ADCY2: variants seen among roughly 807,000 people sequenced by gnomAD.
ADCY2 encodes adenylate cyclase 2.
In ADCY2, 31 loss-of-function variants were observed where a neutral mutation model predicts 125.2. The ratio of observed to expected loss-of-function variants is 0.25; its 90% CI spans 0.19 to 0.33. The LOEUF is 0.33. Ranked by LOEUF, ADCY2 falls within the 10% of genes least tolerant of loss-of-function variation. The pLI, the probability that ADCY2 is intolerant of heterozygous loss-of-function variation, is 1.00. For synonymous variants in ADCY2, 512 were observed against 548.4 expected, an observed-to-expected ratio of 0.93 and a Z score of 0.93; for missense variants, 904 against 1,418.2, an observed-to-expected ratio of 0.64 and a Z score of 5.82.
In ADCY2 at chr5:7,820,780, A is replaced by G. The variant is rs1745272538; in HGVS notation, c.3123+91A>G. On this transcript the variant is annotated intron_variant, in intron 24 of 24. Coordinates refer to ENST00000338316, the MANE Select transcript of ADCY2 (RefSeq NM_020546.3). ...AGTATAATAAGGATACTAATATATT[A>G]AAACAAAGGAAAAAAGTAAACCTTG... is the stretch of plus-strand genomic sequence containing the variant. The G allele has an allele frequency of 5.1e-6, 7 of 1,378,170 alleles. No individual in the cohort carries two copies. The South Asian group carries it at 1.3e-4, about 26-fold the overall frequency. The allele number at this position is 1,378,170 out of a possible 1,614,324, so 85.4% of individuals were successfully genotyped here. A position where few individuals can be genotyped will look rare whatever the true frequency, so the allele number is the denominator to read the frequency against.
intron 2 of ADCY2, among the ~76,000 whole-genome samples, chr5:7,503,304 G>A (rs13157642): frequency 0.17 from 26,307 of 152,074 alleles, 2,431 homozygotes; most frequent in African/African-American, 0.2. Context: ...AGTATGCAGT[G>A]AATTAGGTAT....
intron 2 of ADCY2, among the ~76,000 whole-genome samples, chr5:7,418,647 GTTTTTTTTTTTTTTTTT>G (rs869287430): frequency 1.4e-5 from 1 of 73,750 alleles, no homozygotes; most frequent in Non-Finnish European, 2.6e-5. Context: ...TCTACCTTCT[GTTTTTTTTTTTTTTTTT>G]TTTTTTTTTG....
At chr5:7,601,681 A>G (rs1014211108) in intron 3 of ADCY2, among the ~76,000 whole-genome samples, 3 of 152,076 alleles carry the variant, frequency 2.0e-5, no homozygotes, top group African/African-American at 4.8e-5. Flanking sequence ...GTCTGTCATC[A>G]TGTTCCTTCC....
At chr5:7,471,113 T>A (rs532760698) in intron 2 of ADCY2, among the ~76,000 whole-genome samples, 163 of 152,034 alleles carry the variant, frequency 1.1e-3, no homozygotes, top group African/African-American at 3.8e-3. Flanking sequence ...TTATCTTTTT[T>A]AAAATTTTTT....
chr5:7,768,192 C>T (rs896560480), intron 17 of ADCY2, among the ~76,000 whole-genome samples: 5 of 152,174 alleles, frequency 3.3e-5, no homozygotes, highest in Admixed American at 1.3e-4. Context: ...GAAGATCCTG[C>T]GCTTCAAATT....
intron 11 of ADCY2, among the ~76,000 whole-genome samples, chr5:7,715,919 A>C: frequency 6.6e-6 from 1 of 152,210 alleles, no homozygotes; most frequent in Admixed American, 6.5e-5. Context: ...TGGTCTATTC[A>C]TTTGTAATCT....
intron 5 of ADCY2, among the ~76,000 whole-genome samples, chr5:7,693,232 T>C (rs1234067171): frequency 6.6e-6 from 1 of 152,092 alleles, no homozygotes; most frequent in Admixed American, 6.5e-5. Flanking sequence ...TCCAAGGATA[T>C]AGTTCTAACT....
chr5:7,434,253 A>T (rs1487521139), intron 2 of ADCY2, among the ~76,000 whole-genome samples: 1 of 152,236 alleles, frequency 6.6e-6, no homozygotes, highest in Admixed American at 6.5e-5. Flanking sequence ...GGAAAGGAAA[A>T]AAAGGAATAA....
rs534707508 is a variant in ADCY2 at position 7,827,636 on chromosome 5, T to G, written c.*765T>G. ...CATTCTCCCTTTTGACACAGTTGTT[T>G]CAGAAAGAGCTCTCCAGAAGCCAAT... is the stretch of plus-strand genomic sequence containing the variant. On this transcript the variant is annotated 3_prime_UTR_variant, in exon 25 of 25. Coordinates refer to ENST00000338316, the MANE Select transcript of ADCY2 (RefSeq NM_020546.3). 1 of 152,500 alleles carries G rather than the reference T, an allele frequency of 6.6e-6. No homozygotes were observed. The highest frequency in any genetic ancestry group is 1.9e-4 in the East Asian group (1 of 5,332). The allele number at this position is 152,500 out of a possible 1,614,324, so 9.4% of individuals were successfully genotyped here.
At chr5:7,759,722 A>G in intron 16 of ADCY2, among the ~76,000 whole-genome samples, 1 of 152,056 alleles carries the variant, frequency 6.6e-6, no homozygotes, top group South Asian at 2.1e-4. Context: ...TCCAGAGGGA[A>G]TGGGAAACAG....
In ADCY2 at chr5:7,827,363, C is replaced by T. The variant is rs1002066192; in HGVS notation, c.*492C>T. The T allele has an allele frequency of 6.5e-6, 1 of 154,602 alleles. No homozygotes were observed. Among genetic ancestry groups the T allele is most frequent in the African/African-American group, 2.4e-5 (1 of 41,480 alleles). 9.6% of individuals were successfully genotyped at this position (154,602 alleles called of 1,614,324 possible). ...GGTGTCCAAGGGCCCCCGTTGGGAC[C>T]CACGGCTCTCGTCCCTCTGCTCCGT... On this transcript the variant is annotated 3_prime_UTR_variant, in exon 25 of 25. Transcript: ENST00000338316.
chr5:7,786,973 G>C (rs1361468199), intron 19 of ADCY2, among the ~76,000 whole-genome samples: 1 of 152,202 alleles, frequency 6.6e-6, no homozygotes, highest in Non-Finnish European at 1.5e-5. Flanking sequence ...CCAGCAGGGA[G>C]GGTCATGGGG....
rs575968388 is a variant in ADCY2 at position 7,414,488 on chromosome 5, G to A, written c.211-85G>A. On this transcript the variant is annotated intron_variant, in intron 1 of 24. Coordinates refer to ENST00000338316, the MANE Select transcript of ADCY2 (RefSeq NM_020546.3). The stretch of plus-strand genomic sequence containing the variant: ...CCAATATATTCTGACATTGACAAGC[G>A]TTGATGACATTTTAACAACATAAAT... 3.6e-5 allele frequency: 42 copies of A among 1,172,914 alleles called. No homozygotes were observed. The East Asian group carries it at 5.6e-4, about 16-fold the overall frequency. 72.7% of individuals were successfully genotyped at this position (1,172,914 alleles called of 1,614,324 possible). A position where few individuals can be genotyped will look rare whatever the true frequency, so the allele number is the denominator to read the frequency against.
At chr5:7,432,871 CA>C (rs1356696777) in intron 2 of ADCY2, among the ~76,000 whole-genome samples, 4 of 77,308 alleles carry the variant, frequency 5.2e-5, no homozygotes, top group African/African-American at 2.2e-4. Context: ...TTATGTATGT[CA>C]AAACTCATCA....
At chr5:7,529,675 A>G (rs924323067) in intron 3 of ADCY2, among the ~76,000 whole-genome samples, 1 of 152,236 alleles carries the variant, frequency 6.6e-6, no homozygotes, top group Non-Finnish European at 1.5e-5. Flanking sequence ...GTACCCCTCA[A>G]GTAAACATTG....
chr5:7,437,437 G>T (rs1305746489), intron 2 of ADCY2, among the ~76,000 whole-genome samples: 1 of 152,206 alleles, frequency 6.6e-6, no homozygotes, highest in Admixed American at 6.5e-5. Flanking sequence ...GCACAGGTCT[G>T]CAATCCACTG....
intron 3 of ADCY2, among the ~76,000 whole-genome samples, chr5:7,525,021 G>C (rs769824938): frequency 6.7e-6 from 1 of 150,300 alleles, no homozygotes; most frequent in Non-Finnish European, 1.5e-5. Flanking sequence ...TTATTTTTTA[G>C]AGATGGAGTC....
At chr5:7,657,000 G>T (rs1334472705) in intron 4 of ADCY2, among the ~76,000 whole-genome samples, 1 of 152,156 alleles carries the variant, frequency 6.6e-6, no homozygotes, top group African/African-American at 2.4e-5. Flanking sequence ...TTCATCACGT[G>T]CAATTATTAA....
chr5:7,556,217 T>C (rs1197685876), intron 3 of ADCY2, among the ~76,000 whole-genome samples: 2 of 152,184 alleles, frequency 1.3e-5, no homozygotes, highest in African/African-American at 4.8e-5. Context: ...TTTACACATA[T>C]TGATTGCATC....
Sources: allele counts gnomAD v4.1 joint callset (sites outside exome capture counted in the v4.1 genomes callset), GRCh38; gene constraint gnomAD v4.1.1; transcripts MANE v1.5; gene names NCBI Gene and HGNC (gene_info 2026-07-23, HGNC 2026-07-21).